The following AK4 variants were observed in gnomAD, a reference collection of about 807,000 sequenced individuals.
AK4 encodes the protein adenylate kinase 4.
In AK4, 13 loss-of-function variants were observed where a neutral mutation model predicts 24.6. The ratio of observed to expected loss-of-function variants is 0.53; its 90% CI spans 0.34 to 0.84. The LOEUF (loss-of-function observed/expected upper bound fraction) is 0.84, where lower values mean the gene tolerates loss of function less well. AK4 is among the 40% of genes least tolerant of loss of function. The pLI is 0.01. For synonymous variants in AK4, 88 were observed against 107.0 expected (o/e 0.82, Z 1.10); for missense variants, 192 against 288.2 (o/e 0.67, Z 2.42).
Position 65,232,113 on chromosome 1 carries a change from A to G in AK4, c.*5936A>G, listed in dbSNP as rs969709424. 1.3e-5 allele frequency: 2 copies of G among 152,192 alleles called. No homozygotes were observed. The highest frequency in any genetic ancestry group is 2.9e-5 in the Non-Finnish European group (2 of 68,046). 9.4% of individuals were successfully genotyped at this position (152,192 alleles called of 1,614,324 possible). A position where few individuals can be genotyped will look rare whatever the true frequency, so the allele number is the denominator to read the frequency against. ...AGGTTCATACTTTTCAATTTGATAGAAATAAAGTTTTTTTCTGCTTATAGC... is the reference window on the plus strand; with the variant it reads ...AGGTTCATACTTTTCAATTTGATAGGAATAAAGTTTTTTTCTGCTTATAGC... On this transcript the variant is annotated 3_prime_UTR_variant, in exon 5 of 5. Coordinates refer to ENST00000327299, the MANE Select transcript of AK4 (RefSeq NM_013410.4).
At chr1:65,197,378 TTTG>T (rs1016829447) in intron 2 of AK4, among the ~76,000 whole-genome samples, 28 of 152,228 alleles carry the variant, frequency 1.8e-4, no homozygotes, top group Admixed American at 1.4e-3. Flanking sequence ...TATTTCAAAG[TTTG>T]GTTTTGTAGA....
Position 65,148,226 on chromosome 1 carries a change from G to A in AK4, c.-182G>A. 2 of 1,233,928 alleles carry A rather than the reference G, an allele frequency of 1.6e-6. No individual in the cohort carries two copies. Among genetic ancestry groups the A allele is most frequent in the South Asian group, 1.7e-5 (1 of 60,040 alleles). The allele number at this position is 1,233,928 out of a possible 1,614,324, so 76.4% of individuals were successfully genotyped here. ...TCAGTCCGCCTGCTACTCGGTCCCG[G>A]CGCTGGGCTGAGGGGAGGGGTTGTC... On this transcript the variant is annotated 5_prime_UTR_variant, in exon 1 of 5. Transcript: ENST00000327299.
intron 1 of AK4, among the ~76,000 whole-genome samples, chr1:65,158,904 G>A (rs1650062779): frequency 6.6e-6 from 1 of 152,112 alleles, no homozygotes; most frequent in Admixed American, 6.5e-5. Context: ...AAGCTCTCAG[G>A]TTGGCCTTTA....
intron 1 of AK4, 123 bp downstream of exon 1, chr1:65,148,675 G>A (rs1041268206): frequency 7.5e-7 from 1 of 1,338,646 alleles, no homozygotes. Flanking sequence ...GTGCAGGCTC[G>A]TACGTGCCGG....
chr1:65,206,456 ACAAG>A (rs1410218781), intron 2 of AK4, among the ~76,000 whole-genome samples: 6 of 152,228 alleles, frequency 3.9e-5, no homozygotes, highest in Admixed American at 6.5e-5. Context: ...TATTCAAAGA[ACAAG>A]CAAGCAGGCC....
In AK4 at chr1:65,176,239, GCT is replaced by G. The variant is rs1305334964; in HGVS notation, c.146-14470_146-14469del. On this transcript the variant is annotated intron_variant, in intron 1 of 4. Transcript: ENST00000327299. ...AGCCCCTCCCCTACCCAAAGTCATG[GCT>G]GTTGTCCATGCATCTTTTTATCTTG... Among the ~76,000 whole-genome samples, 10 of 152,208 alleles carry G rather than the reference GCT, an allele frequency of 6.6e-5. No homozygotes were observed. The East Asian group carries it at 1.4e-3, about 21-fold the overall frequency.
intron 1 of AK4, chr1:65,154,620 G>T (rs911109978): frequency 1.6e-5 from 8 of 496,342 alleles, no homozygotes; most frequent in African/African-American, 3.9e-5. Context: ...GTCAGTACGC[G>T]AACGATATCA....
rs1394211758 is a variant in AK4, at chr1:65,230,932, T to C, written c.*4755T>C. 6.6e-6 allele frequency: 1 copy of C among 152,236 alleles called. No homozygotes were observed. Among genetic ancestry groups the C allele is most frequent in the Non-Finnish European group, 1.5e-5 (1 of 68,046 alleles). The allele number at this position is 152,236 out of a possible 1,614,324, so 9.4% of individuals were successfully genotyped here. A position where few individuals can be genotyped will look rare whatever the true frequency, so the allele number is the denominator to read the frequency against. On this transcript the variant is annotated 3_prime_UTR_variant, in exon 5 of 5. Transcript: ENST00000327299. ...TTGACAGTGTCTTTCCTTTCTGCAG[T>C]TGATTTTGCTAGAGAGGCAATTCAT...
chr1:65,216,780 G>T (rs1652147134), intron 2 of AK4, among the ~76,000 whole-genome samples: 1 of 142,570 alleles, frequency 7.0e-6, no homozygotes, highest in African/African-American at 3.0e-5. Flanking sequence ...CTGCAGCCTT[G>T]AACTCCTTGG....
chr1:65,217,989 A>G (rs1015497843), intron 2 of AK4, among the ~76,000 whole-genome samples: 3 of 152,222 alleles, frequency 2.0e-5, no homozygotes, highest in Admixed American at 6.5e-5. Context: ...AATAATTAAC[A>G]TATCCATCAT....
In AK4 at chr1:65,148,471, T is replaced by A. The variant is rs17853973; in HGVS notation, c.64T>A (p.Cys22Ser). The A allele has an allele frequency of 0.049, 77,524 of 1,575,342 alleles. 9,303 individuals carry two copies. The highest frequency in any genetic ancestry group is 0.43 in the African/African-American group (31,561 of 73,718). ...GCCCGGCTCGGGCAAGGGCACCGTG[T>A]GCCAGAGGATCGCCCAGAACTTTGG... Reference protein sequence around the residue: ...GPPGSGKGTVCQRIAQNFGLQ... With the variant: ...GPPGSGKGTVSQRIAQNFGLQ... The change falls in exon 1 of 5, where the codon TGC becomes AGC. Residue 22 changes from cysteine (C) to serine (S), a missense_variant. Transcript: ENST00000327299.
chr1:65,206,610 C>A (rs1282706136), intron 2 of AK4, among the ~76,000 whole-genome samples: 1 of 152,246 alleles, frequency 6.6e-6, no homozygotes, highest in Non-Finnish European at 1.5e-5. Flanking sequence ...CACAAACACA[C>A]ACACACAAAA....
intron 1 of AK4, among the ~76,000 whole-genome samples, chr1:65,163,040 G>A (rs146959430): frequency 2.0e-5 from 3 of 152,218 alleles, no homozygotes; most frequent in Admixed American, 1.3e-4. Flanking sequence ...TTCCTTAATG[G>A]ACACTTGGGC....
At chr1:65,174,459 A>T (rs1650643638) in intron 1 of AK4, among the ~76,000 whole-genome samples, 1 of 151,950 alleles carries the variant, frequency 6.6e-6, no homozygotes, top group Non-Finnish European at 1.5e-5. Context: ...ACTTATTATT[A>T]TTTTTTTCTT....
chr1:65,220,597 T>G (rs1652267330), intron 3 of AK4, among the ~76,000 whole-genome samples: 1 of 152,186 alleles, frequency 6.6e-6, no homozygotes. Flanking sequence ...TGCCTCAGCC[T>G]CCTGAGTAGC....
chr1:65,212,174 T>A (rs1434025824), intron 2 of AK4, among the ~76,000 whole-genome samples: 1 of 152,198 alleles, frequency 6.6e-6, no homozygotes, highest in Non-Finnish European at 1.5e-5. Context: ...TGGCTTTTCC[T>A]CTGCATGTAA....
intron 1 of AK4, among the ~76,000 whole-genome samples, chr1:65,160,682 A>G (rs1001520644): frequency 1.3e-5 from 2 of 151,934 alleles, no homozygotes; most frequent in Non-Finnish European, 2.9e-5. Flanking sequence ...GCAGCCTGGA[A>G]CTCCTGGGCT....
intron 2 of AK4, among the ~76,000 whole-genome samples, chr1:65,196,251 A>G (rs1651466343): frequency 6.6e-6 from 1 of 152,118 alleles, no homozygotes; most frequent in African/African-American, 2.4e-5. Flanking sequence ...CAGATGACTC[A>G]TCATCTTGGT....
chr1:65,152,360 CTA>C (rs1649812696), intron 1 of AK4, among the ~76,000 whole-genome samples: 693 of 27,798 alleles, frequency 0.025, 11 homozygotes, highest in Non-Finnish European at 0.032. Flanking sequence ...CTCTCTCTCT[CTA>C]TATATATATA....
Sources: gnomAD v4.1 joint callset for allele counts (sites outside exome capture counted in the v4.1 genomes callset) on GRCh38, gnomAD v4.1.1 for gene constraint, MANE v1.5 for transcripts, NCBI Gene and HGNC (gene_info 2026-07-23, HGNC 2026-07-21) for gene names.